The following MRPS6 variants were observed in gnomAD, a reference collection of about 807,000 sequenced individuals.
MRPS6 encodes the protein small ribosomal subunit protein bS6m.
Under a neutral mutation model 13.1 loss-of-function variants are expected in MRPS6, and 6 were observed. The ratio of observed to expected loss-of-function variants is 0.46; its 90% CI spans 0.25 to 0.91. The LOEUF is 0.91. Among genes scored for constraint, MRPS6 ranks in the 40% least tolerant of loss-of-function variants. MRPS6 has a pLI of 0.18. For missense variants in MRPS6, 164 were observed against 155.6 expected (o/e 1.05, Z -0.29); for synonymous variants, 61 against 56.5 (o/e 1.08, Z -0.36).
chr21:34,113,350 TAA>T (rs1979778859), intron 1 of MRPS6, among the ~76,000 whole-genome samples: 1 of 152,100 alleles, frequency 6.6e-6, no homozygotes, highest in South Asian at 2.1e-4. Context: ...GATGAATGGA[TAA>T]AGTATGGCAT....
At chr21:34,094,465 G>C (rs778597756) in intron 1 of MRPS6, among the ~76,000 whole-genome samples, 36 of 152,138 alleles carry the variant, frequency 2.4e-4, no homozygotes, top group Non-Finnish European at 2.8e-4. Flanking sequence ...AGTATTTTAA[G>C]ATTTCATTTT....
intron 1 of MRPS6, among the ~76,000 whole-genome samples, chr21:34,115,997 G>T (rs777210671): frequency 6.6e-6 from 1 of 150,842 alleles, no homozygotes; most frequent in African/African-American, 2.4e-5. Context: ...TTTTATGCCA[G>T]TATGTAAGGA....
intron 1 of MRPS6, chr21:34,104,962 A>G (rs1017488666): frequency 3.0e-6 from 3 of 999,242 alleles, no homozygotes; most frequent in Middle Eastern, 5.2e-4. Context: ...AAGTAGTCCT[A>G]GCAGTGTAAA....
chr21:34,124,345 C>G (rs1230371352), intron 1 of MRPS6: 2 of 152,166 alleles, frequency 1.3e-5, no homozygotes, highest in Admixed American at 6.5e-5. Flanking sequence ...GCATTCGTTG[C>G]AGTTTTCAGG....
At chr21:34,079,351 A>G (rs1004550873) in intron 1 of MRPS6, among the ~76,000 whole-genome samples, 3 of 152,162 alleles carry the variant, frequency 2.0e-5, no homozygotes, top group Admixed American at 6.5e-5. Context: ...TTTAGAGTAT[A>G]TAGACACAAT....
chr21:34,094,436 A>G (rs895051222), intron 1 of MRPS6, among the ~76,000 whole-genome samples: 2 of 152,174 alleles, frequency 1.3e-5, no homozygotes, highest in African/African-American at 4.8e-5. Context: ...AGTTACCCCC[A>G]AACTCTCTTA....
intron 1 of MRPS6, among the ~76,000 whole-genome samples, chr21:34,074,343 T>C (rs1989270238): frequency 6.6e-6 from 1 of 152,228 alleles, no homozygotes; most frequent in African/African-American, 2.4e-5. Flanking sequence ...AAAAAATCTT[T>C]TGACTTTTCT....
intron 1 of MRPS6, among the ~76,000 whole-genome samples, chr21:34,084,185 C>G (rs561514314): frequency 6.6e-6 from 1 of 152,206 alleles, no homozygotes; most frequent in East Asian, 1.9e-4. Context: ...TTAAAGTTTT[C>G]CAACTGAAAA....
At chr21:34,116,694 G>T (rs920186455) in intron 1 of MRPS6, among the ~76,000 whole-genome samples, 2 of 152,106 alleles carry the variant, frequency 1.3e-5, no homozygotes, top group African/African-American at 4.8e-5. Context: ...AGTGGCCAGA[G>T]CAGCCCCAAG....
At chr21:34,113,592 A>G (rs1025462350) in intron 1 of MRPS6, among the ~76,000 whole-genome samples, 4 of 152,208 alleles carry the variant, frequency 2.6e-5, no homozygotes, top group Admixed American at 6.5e-5. Flanking sequence ...AGAATAGAGC[A>G]GTCCATCAGG....
chr21:34,075,806 A>G (rs17658859), intron 1 of MRPS6, among the ~76,000 whole-genome samples: 2,785 of 152,346 alleles, frequency 0.018, 31 homozygotes, highest in Non-Finnish European at 0.028. Flanking sequence ...GCTTGCTTTC[A>G]GTTTAGGAAA....
chr21:34,101,039 C>G, intron 1 of MRPS6: 1 of 1,000,054 alleles, frequency 1.0e-6, no homozygotes, highest in South Asian at 4.7e-5. Flanking sequence ...CTCACTGTTT[C>G]CTAGGTTTGG....
rs926607646 is a variant in MRPS6, at chr21:34,104,884, G to T, written c.46-20457G>T. Reference sequence around the variant, plus strand: ...AACTGTACAAAAAAATGCTTCTGGAGATTTCTTTGGCAGAAATGCCTTTCA... The same window carrying T: ...AACTGTACAAAAAAATGCTTCTGGATATTTCTTTGGCAGAAATGCCTTTCA... On this transcript the variant is annotated intron_variant, in intron 1 of 2. Coordinates refer to ENST00000399312, the MANE Select transcript of MRPS6 (RefSeq NM_032476.4). 8.0e-6 allele frequency: 8 copies of T among 1,000,098 alleles called. No individual in the cohort carries two copies. In the African/African-American group the frequency reaches 1.2e-4, roughly 15 times the overall value. 62.0% of individuals were successfully genotyped at this position (1,000,098 alleles called of 1,614,324 possible).
chr21:34,119,937 T>A (rs1386678964), intron 1 of MRPS6, among the ~76,000 whole-genome samples: 3 of 152,214 alleles, frequency 2.0e-5, no homozygotes, highest in African/African-American at 7.2e-5. Flanking sequence ...TCTCATCTTT[T>A]ACTACAGCAA....
At chr21:34,095,749 C>T in intron 1 of MRPS6, 1 of 1,614,036 alleles carries the variant, frequency 6.2e-7, no homozygotes, top group Non-Finnish European at 8.5e-7. Context: ...GTGATCTACA[C>T]AGACACTCTG....
In MRPS6 at chr21:34,096,008, A is replaced by T. The variant is rs1978949756; in HGVS notation, c.45+22263A>T. 6.2e-7 allele frequency: 1 copy of T among 1,614,048 alleles called. No homozygotes were observed. Among genetic ancestry groups the T allele is most frequent in the African/African-American group, 1.3e-5 (1 of 74,932 alleles). Reference sequence around the variant, plus strand: ...CTGGATTCATTCTTGGGCAGACCCCAGCTTCAGTATGGTACTGGTGTGCTG... The same window carrying T: ...CTGGATTCATTCTTGGGCAGACCCCTGCTTCAGTATGGTACTGGTGTGCTG... On this transcript the variant is annotated intron_variant, in intron 1 of 2. Coordinates refer to ENST00000399312, the MANE Select transcript of MRPS6 (RefSeq NM_032476.4). This position sits in a 1 kb window ranked among gnomAD's most constrained non-coding sequence, Gnocchi z 5.9.
chr21:34,109,972 A>C (rs983475015), intron 1 of MRPS6, among the ~76,000 whole-genome samples: 4 of 152,156 alleles, frequency 2.6e-5, no homozygotes, highest in Admixed American at 2.6e-4. Flanking sequence ...GCTTGTGTTG[A>C]ATCCTCTGGC....
intron 2 of MRPS6, among the ~76,000 whole-genome samples, chr21:34,135,069 C>T (rs946650120): frequency 2.0e-5 from 3 of 152,168 alleles, no homozygotes; most frequent in Non-Finnish European, 2.9e-5. Context: ...TAGTTTCTTT[C>T]ACTCAGCATA....
intron 1 of MRPS6, chr21:34,098,464 T>C: frequency 4.2e-6 from 4 of 958,350 alleles, no homozygotes; most frequent in Non-Finnish European, 5.0e-6. Context: ...TTTTCCCTGA[T>C]TTTTTTTTTC....
Sources: gnomAD v4.1 joint callset for allele counts (sites outside exome capture counted in the v4.1 genomes callset) on GRCh38, gnomAD v4.1.1 for gene constraint, Gnocchi (gnomAD v3.1) non-coding constraint, MANE v1.5 for transcripts, NCBI Gene and HGNC (gene_info 2026-07-23, HGNC 2026-07-21) for gene names.